PTGER3: variants seen among roughly 807,000 people sequenced by gnomAD.
PTGER3 encodes prostaglandin E receptor 3.
Under a neutral mutation model 34.7 loss-of-function variants are expected in PTGER3, and 22 were observed. The observed-to-expected ratio is 0.63, with a 90% CI of 0.45 to 0.91. The LOEUF (loss-of-function observed/expected upper bound fraction) is 0.91. Among genes scored for constraint, PTGER3 ranks in the 40% least tolerant of loss-of-function variants. The pLI is 0.00. For missense variants in PTGER3, 468 were observed against 519.4 expected (o/e 0.90, Z 0.96); for synonymous variants, 241 against 230.1 (o/e 1.05, Z -0.43).
chr1:71,009,573 G>A (rs543320506), intron 2 of PTGER3: 1 of 984,792 alleles, frequency 1.0e-6, no homozygotes, highest in Admixed American at 6.2e-5. Flanking sequence ...ACTCAGCATA[G>A]TATATAAATT....
intron 4 of PTGER3, among the ~76,000 whole-genome samples, chr1:70,884,301 C>A (rs1380136058): frequency 6.6e-6 from 1 of 152,180 alleles, no homozygotes; most frequent in Non-Finnish European, 1.5e-5. Context: ...ATAATCATCT[C>A]CCCTTGAGTG....
chr1:71,015,461 C>A (rs1252221278), intron 1 of PTGER3, among the ~76,000 whole-genome samples: 2 of 152,222 alleles, frequency 1.3e-5, no homozygotes, highest in African/African-American at 4.8e-5. Context: ...ACTTAACCAT[C>A]AGGTTTGAGT....
chr1:70,972,619 T>G (rs1653206376), intron 3 of PTGER3, among the ~76,000 whole-genome samples: 1 of 152,076 alleles, frequency 6.6e-6, no homozygotes, highest in Admixed American at 6.5e-5. Flanking sequence ...GTGGCAAATT[T>G]GACCACAAAA....
intron 2 of PTGER3, among the ~76,000 whole-genome samples, chr1:70,960,621 T>C (rs928645659): frequency 6.6e-6 from 1 of 151,936 alleles, no homozygotes; most frequent in African/African-American, 2.4e-5. Flanking sequence ...TCAATGTCTT[T>C]AAGATGAGAG....
At chr1:70,862,911 G>T (rs1271315483) in intron 4 of PTGER3, among the ~76,000 whole-genome samples, 1 of 152,142 alleles carries the variant, frequency 6.6e-6, no homozygotes, top group Admixed American at 6.6e-5. Flanking sequence ...ATCTTTCACT[G>T]TGTGAAACAC....
chr1:70,963,893 T>A (rs1368106410), intron 2 of PTGER3, among the ~76,000 whole-genome samples: 1 of 152,206 alleles, frequency 6.6e-6, no homozygotes, highest in Non-Finnish European at 1.5e-5. Flanking sequence ...TTCCAAACTT[T>A]AATGTTTCAC....
At chr1:70,899,027 T>A (rs1167209246) in intron 4 of PTGER3, among the ~76,000 whole-genome samples, 1 of 152,154 alleles carries the variant, frequency 6.6e-6, no homozygotes, top group East Asian at 1.9e-4. Flanking sequence ...GCTTGAAGAA[T>A]GCTCCAAGAA....
chr1:70,934,859 GT>G (rs1649055869), intron 4 of PTGER3, among the ~76,000 whole-genome samples: 1 of 152,126 alleles, frequency 6.6e-6, no homozygotes, highest in South Asian at 2.1e-4. Context: ...ACAAAAAACA[GT>G]TGGCCAAGTT....
chr1:70,938,550 C>T (rs1649456783), intron 4 of PTGER3, among the ~76,000 whole-genome samples: 1 of 152,002 alleles, frequency 6.6e-6, no homozygotes, highest in Non-Finnish European at 1.5e-5. Flanking sequence ...TTTCAGGCTG[C>T]CGATAAAGAC....
intron 2 of PTGER3, among the ~76,000 whole-genome samples, chr1:70,957,479 A>AT (rs1232624141): frequency 2.6e-5 from 4 of 152,242 alleles, no homozygotes; most frequent in African/African-American, 7.2e-5. Flanking sequence ...TGTACTATTT[A>AT]TTTTTTTGCA....
downstream of PTGER3, among the ~76,000 whole-genome samples, chr1:70,969,327 A>AT (rs897399270): frequency 6.6e-6 from 1 of 152,208 alleles, no homozygotes; most frequent in Non-Finnish European, 1.5e-5. Flanking sequence ...GAACAACAAC[A>AT]TAAAAACAAA....
At chr1:70,927,789 C>G (rs1648259117) in intron 4 of PTGER3, among the ~76,000 whole-genome samples, 4 of 152,006 alleles carry the variant, frequency 2.6e-5, no homozygotes, top group Admixed American at 2.6e-4. Flanking sequence ...ATGAAACAGC[C>G]AAGTGGCCAA....
chr1:70,937,429 T>A (rs1557668785), intron 4 of PTGER3, among the ~76,000 whole-genome samples: 1 of 152,022 alleles, frequency 6.6e-6, no homozygotes, highest in East Asian at 1.9e-4. Context: ...AGGTGGGAGG[T>A]CTGAACAGGA....
intron 4 of PTGER3, among the ~76,000 whole-genome samples, chr1:70,941,047 G>T (rs913700879): frequency 5.9e-5 from 9 of 152,170 alleles, no homozygotes; most frequent in African/African-American, 7.2e-5. Context: ...AATAAAATTG[G>T]TTGCTTCTTG....
chr1:70,916,077 C>T (rs1238526330), intron 4 of PTGER3, among the ~76,000 whole-genome samples: 1 of 151,524 alleles, frequency 6.6e-6, no homozygotes, highest in Non-Finnish European at 1.5e-5. Flanking sequence ...GAGTAAAGAC[C>T]ATGAACAGAA....
At chr1:70,927,127 T>A (rs915460506) in intron 4 of PTGER3, among the ~76,000 whole-genome samples, 1 of 152,260 alleles carries the variant, frequency 6.6e-6, no homozygotes, top group Non-Finnish European at 1.5e-5. Flanking sequence ...ATCAAGGATA[T>A]TGGTCTAAAA....
intron 2 of PTGER3, among the ~76,000 whole-genome samples, chr1:70,961,857 G>T (rs1412871856): frequency 6.6e-6 from 1 of 152,154 alleles, no homozygotes; most frequent in Non-Finnish European, 1.5e-5. Context: ...AAATTGCTTA[G>T]GGCCCTATCA....
chr1:70,975,665 G>T (rs1449923774), intron 2 of PTGER3, among the ~76,000 whole-genome samples: 3 of 152,150 alleles, frequency 2.0e-5, no homozygotes, highest in East Asian at 1.9e-4. Context: ...GCAGTGCTGT[G>T]TGAAGAATCA....
chr1:70,868,284 C>T (rs1216289257), intron 4 of PTGER3, among the ~76,000 whole-genome samples: 3 of 152,096 alleles, frequency 2.0e-5, no homozygotes, highest in African/African-American at 7.2e-5. Flanking sequence ...GGCTTTTCCT[C>T]TCTATGCCCA....
Sources: allele counts gnomAD v4.1 joint callset (sites outside exome capture counted in the v4.1 genomes callset), GRCh38; gene constraint gnomAD v4.1.1; transcripts MANE v1.5; gene names NCBI Gene and HGNC (gene_info 2026-07-23, HGNC 2026-07-21).